Variants in UPP2 observed in about 807,000 individuals in gnomAD.
The protein encoded by UPP2 is UPase 2.
UPP2 carries 23 observed loss-of-function variants against 26.7 expected under a neutral mutation model. The observed-to-expected ratio is 0.86, with a 90% CI of 0.62 to 1.22. The LOEUF is 1.22. Ranked by LOEUF, UPP2 falls within the 50% of genes most tolerant of loss-of-function variation. The pLI, the probability that UPP2 is intolerant of heterozygous loss-of-function variation, is 0.00. For synonymous variants in UPP2, 127 were observed against 141.3 expected, an observed-to-expected ratio of 0.90 and a Z score of 0.72; for missense variants, 387 against 396.7, an observed-to-expected ratio of 0.98 and a Z score of 0.21.
In UPP2 at chr2:158,102,130, G is replaced by A. The variant is rs374826660; in HGVS notation, c.62+5G>A. On this transcript the variant is annotated splice_donor_5th_base_variant and intron_variant, in intron 1 of 6. Coordinates refer to ENST00000005756, the MANE Select transcript of UPP2 (RefSeq NM_173355.4). ...TGACAGGAATACATATGTTGGGTGA[G>A]TAATTTTGATTTTGTAAATTTGTTT... 2.5e-6 allele frequency: 4 copies of A among 1,609,922 alleles called. No homozygotes were observed. In the East Asian group the frequency reaches 6.7e-5, roughly 27 times the overall value.
At chr2:158,106,453 G>A (rs1243504034) in intron 2 of UPP2, among the ~76,000 whole-genome samples, 1 of 152,064 alleles carries the variant, frequency 6.6e-6, no homozygotes, top group Non-Finnish European at 1.5e-5. Flanking sequence ...GGCTACTCTG[G>A]CCCCTGGAGA....
At chr2:158,008,208 C>T (rs958704462) in intron 2 of UPP2, among the ~76,000 whole-genome samples, 6 of 152,070 alleles carry the variant, frequency 3.9e-5, no homozygotes, top group Admixed American at 2.0e-4. Flanking sequence ...TAAATATATT[C>T]GTTCATGAAA....
intron 2 of UPP2, among the ~76,000 whole-genome samples, chr2:158,113,043 G>A (rs6733576): frequency 0.02 from 3,118 of 152,256 alleles, 101 homozygotes; most frequent in African/African-American, 0.068. Context: ...CAGCCAGACC[G>A]AAAATTGTGT....
rs371860848 is a variant in UPP2, at chr2:158,045,089, T to C, written c.147+29203T>C. Among the ~76,000 whole-genome samples, 85 of 152,318 alleles carry C rather than the reference T, an allele frequency of 5.6e-4. 2 individuals are homozygous for C. In the South Asian group the frequency reaches 0.017, roughly 30 times the overall value. On this transcript the variant is annotated intron_variant, in intron 3 of 9. Transcript: ENST00000605860. Reference sequence around the variant, plus strand: ...TCTTTTCCCTTCCAAATCATATTCTTTGTAGGTTAAGCCATGAAACCCCCT... The same window carrying C: ...TCTTTTCCCTTCCAAATCATATTCTCTGTAGGTTAAGCCATGAAACCCCCT...
chr2:158,109,937 A>G (rs1490346992), intron 2 of UPP2, among the ~76,000 whole-genome samples: 2 of 152,232 alleles, frequency 1.3e-5, no homozygotes, highest in Non-Finnish European at 2.9e-5. Flanking sequence ...ACAACATATT[A>G]TATCTACAGA....
At chr2:158,051,554 G>A (rs964914467) in intron 3 of UPP2, among the ~76,000 whole-genome samples, 6 of 152,038 alleles carry the variant, frequency 3.9e-5, no homozygotes, top group Admixed American at 1.3e-4. Context: ...AGGCTTAGGC[G>A]GCCAGATCAC....
Position 158,036,088 on chromosome 2 carries a change from A to G in UPP2, c.147+20202A>G, listed in dbSNP as rs539928144. On this transcript the variant is annotated intron_variant, in intron 3 of 9. Coordinates refer to the UPP2 transcript ENST00000605860. ...AAAGAACTCAAGCTCACAAGCTTGGAAAGTAGCAGTGATGATTTAAAAAAC... is the reference window on the plus strand; with the variant it reads ...AAAGAACTCAAGCTCACAAGCTTGGGAAGTAGCAGTGATGATTTAAAAAAC... Among the ~76,000 whole-genome samples, 5 of 152,336 alleles carry G rather than the reference A, an allele frequency of 3.3e-5. No homozygotes were observed. In the South Asian group the frequency reaches 1.0e-3, roughly 32 times the overall value.
Position 158,018,742 on chromosome 2 carries a change from G to C in UPP2, c.147+2856G>C, listed in dbSNP as rs1179937791. Among the ~76,000 whole-genome samples the C allele has an allele frequency of 2.6e-5, 4 of 152,304 alleles. No individual in the cohort carries two copies. In the South Asian group the frequency reaches 8.3e-4, roughly 32 times the overall value. Reference sequence around the variant, plus strand: ...AGAAAAAGGATATCTTTTCCCTTTTGTCAATACACTCTTACATTCCTGTCT... The same window carrying C: ...AGAAAAAGGATATCTTTTCCCTTTTCTCAATACACTCTTACATTCCTGTCT... On this transcript the variant is annotated intron_variant, in intron 3 of 9. Transcript: ENST00000605860.
chr2:158,122,997 T>C (rs1683603715), intron 5 of UPP2, among the ~76,000 whole-genome samples: 2 of 152,090 alleles, frequency 1.3e-5, no homozygotes, highest in South Asian at 2.1e-4. Flanking sequence ...AAAAAGGGGA[T>C]TGTGAAAATA....
At chr2:158,115,328 TAGG>T (rs1683406846) in intron 3 of UPP2, 69 bp downstream of exon 3, 2 of 1,488,314 alleles carry the variant, frequency 1.3e-6, no homozygotes, top group African/African-American at 1.4e-5. Context: ...CTTTTACATG[TAGG>T]AGTTCTTTTT....
chr2:158,128,199 G>T (rs947779956), intron 6 of UPP2, among the ~76,000 whole-genome samples: 3 of 152,152 alleles, frequency 2.0e-5, no homozygotes, highest in Admixed American at 6.5e-5. Flanking sequence ...TTTCTTTAAA[G>T]AATTCAGTGT....
intron 3 of UPP2, among the ~76,000 whole-genome samples, chr2:158,031,246 G>A (rs1011687487): frequency 2.0e-5 from 3 of 152,124 alleles, no homozygotes; most frequent in African/African-American, 7.2e-5. Flanking sequence ...TTTGGAGTAG[G>A]AAGTAAAGTG....
At chr2:158,012,377 C>T (rs1683595358) in intron 2 of UPP2, among the ~76,000 whole-genome samples, 1 of 145,678 alleles carries the variant, frequency 6.9e-6, no homozygotes, top group African/African-American at 2.5e-5. Context: ...AAGTGATTCT[C>T]CTGCCTCAGC....
chr2:158,094,604 G>A (rs1030789288), intron 3 of UPP2, among the ~76,000 whole-genome samples: 3 of 152,144 alleles, frequency 2.0e-5, no homozygotes, highest in African/African-American at 7.2e-5. Flanking sequence ...ATTGCACTTA[G>A]TAATGTTAAG....
At chr2:158,085,488 T>C (rs1682799862) in intron 3 of UPP2, among the ~76,000 whole-genome samples, 1 of 152,130 alleles carries the variant, frequency 6.6e-6, no homozygotes, top group East Asian at 1.9e-4. Context: ...TTGGATGCCC[T>C]TTATTTATTT....
chr2:158,036,942 C>CA, intron 3 of UPP2, among the ~76,000 whole-genome samples: 1 of 152,278 alleles, frequency 6.6e-6, no homozygotes, highest in East Asian at 1.9e-4. Context: ...ACATCTCCAA[C>CA]AAAACACTGG....
Position 158,048,158 on chromosome 2 carries a change from T to G in UPP2, c.147+32272T>G, listed in dbSNP as rs573019459. On this transcript the variant is annotated intron_variant, in intron 3 of 9. Transcript: ENST00000605860. ...AGACACAGAAAAGAAAGGACACAAG[T>G]TTTTGCAAGAACTCTCCTCATGGAT... Among the ~76,000 whole-genome samples the G allele has an allele frequency of 2.3e-4, 35 of 152,110 alleles. 1 individual carries two copies. The highest frequency in any genetic ancestry group is 4.4e-4 in the Non-Finnish European group (30 of 68,024).
At chr2:158,036,257 A>G (rs1352518428) in intron 3 of UPP2, among the ~76,000 whole-genome samples, 1 of 152,238 alleles carries the variant, frequency 6.6e-6, no homozygotes, top group Non-Finnish European at 1.5e-5. Context: ...GTTATATTTT[A>G]TGTTTCACAA....
intron 6 of UPP2, among the ~76,000 whole-genome samples, chr2:158,133,485 G>A (rs947483434): frequency 3.9e-5 from 6 of 152,222 alleles, no homozygotes; most frequent in African/African-American, 1.4e-4. Context: ...ATAACGTATA[G>A]TGAAAAATCT....
Sources: allele counts gnomAD v4.1 joint callset (sites outside exome capture counted in the v4.1 genomes callset), GRCh38; gene constraint gnomAD v4.1.1; transcripts MANE v1.5; gene names NCBI Gene and HGNC (gene_info 2026-07-23, HGNC 2026-07-21).